Variants in USP25 observed in about 807,000 individuals in gnomAD.
USP25 encodes the protein ubiquitin carboxyl-terminal hydrolase 25.
In USP25, 85 loss-of-function variants were observed where a neutral mutation model predicts 158.5. That is an observed-to-expected ratio of 0.54 (90% confidence interval 0.45 to 0.64). USP25 has a LOEUF of 0.64. Ranked by LOEUF, USP25 falls within the 30% of genes least tolerant of loss-of-function variation. The pLI, the probability that USP25 is intolerant of heterozygous loss-of-function variation, is 0.00. For synonymous variants in USP25, 464 were observed against 460.4 expected (o/e 1.01, Z -0.10); for missense variants, 1,242 against 1,327.3 (o/e 0.94, Z 1.00).
chr21:15,781,712 G>C (rs1020370507), intron 4 of USP25, among the ~76,000 whole-genome samples: 1 of 152,200 alleles, frequency 6.6e-6, no homozygotes, highest in Middle Eastern at 3.4e-3. Flanking sequence ...AAGCCAGGGG[G>C]TTCCTCTTCT....
At chr21:15,859,235 C>G (rs983069578) in intron 20 of USP25, among the ~76,000 whole-genome samples, 7 of 150,872 alleles carry the variant, frequency 4.6e-5, no homozygotes, top group Non-Finnish European at 8.9e-5. Context: ...CTCTGTCGCC[C>G]AGGCTGGAGT....
At chr21:15,738,315 A>T (rs897885339) in intron 1 of USP25, among the ~76,000 whole-genome samples, 2 of 152,216 alleles carry the variant, frequency 1.3e-5, no homozygotes, top group African/African-American at 4.8e-5. Flanking sequence ...TAGAATGATC[A>T]TACCAAGCTC....
At chr21:15,851,186 AG>A (rs1291250743) in intron 20 of USP25, among the ~76,000 whole-genome samples, 3 of 150,142 alleles carry the variant, frequency 2.0e-5, no homozygotes, top group Non-Finnish European at 4.5e-5. Context: ...TATGATTTAC[AG>A]TGCCATTGTC....
chr21:15,768,562 G>GT (rs1240438646), intron 3 of USP25, among the ~76,000 whole-genome samples: 8 of 152,128 alleles, frequency 5.3e-5, no homozygotes, highest in Non-Finnish European at 8.8e-5. Context: ...GGAAGATGTG[G>GT]TAAAACATGA....
chr21:15,749,019 T>G (rs1383892592), intron 1 of USP25, among the ~76,000 whole-genome samples: 1 of 152,208 alleles, frequency 6.6e-6, no homozygotes, highest in Non-Finnish European at 1.5e-5. Flanking sequence ...TGTGTTTTTT[T>G]TTTTAATTTT....
At chr21:15,801,518 G>C (rs923654596) in intron 6 of USP25, among the ~76,000 whole-genome samples, 1 of 151,512 alleles carries the variant, frequency 6.6e-6, no homozygotes, top group African/African-American at 2.4e-5. Context: ...ATTTAGTATA[G>C]TGACAGCAGT....
chr21:15,777,869 C>T, intron 3 of USP25, 35 bp from the exon 4 acceptor site: 1 of 1,551,998 alleles, frequency 6.4e-7, no homozygotes, highest in Non-Finnish European at 8.7e-7. Context: ...TTTTGTTTTA[C>T]TTTTAATTTT....
rs1160590825 is a variant in USP25 at position 15,843,266 on chromosome 21, C to G, written c.2337+726C>G. On this transcript the variant is annotated intron_variant, in intron 18 of 25. Transcript: ENST00000400183. This position sits in a 1 kb window ranked among gnomAD's most constrained non-coding sequence, Gnocchi z 4.0. ...TTTATCTTTTATTAGTGAGCATAAG[C>G]AGCTCTAATGCAGATTTTGTGGTAG... Among the ~76,000 whole-genome samples, 2 of 152,152 alleles carry G rather than the reference C, an allele frequency of 1.3e-5. No homozygotes were observed. Among genetic ancestry groups the G allele is most frequent in the Non-Finnish European group, 2.9e-5 (2 of 68,016 alleles).
At chr21:15,746,555 C>G (rs532558811) in intron 1 of USP25, among the ~76,000 whole-genome samples, 2 of 151,948 alleles carry the variant, frequency 1.3e-5, no homozygotes, top group Non-Finnish European at 2.9e-5. Flanking sequence ...CCACCACACC[C>G]GGCTAATTTT....
chr21:15,858,007 T>G (rs183200224), intron 20 of USP25, among the ~76,000 whole-genome samples: 19 of 152,176 alleles, frequency 1.2e-4, no homozygotes, highest in African/African-American at 4.1e-4. Context: ...AAATCCCTAC[T>G]TATAAGTAGC....
At chr21:15,848,820 A>G (rs1601118910) in intron 19 of USP25, among the ~76,000 whole-genome samples, 1 of 152,156 alleles carries the variant, frequency 6.6e-6, no homozygotes, top group East Asian at 1.9e-4. Context: ...ATATATTGCA[A>G]TTCTCAGTAT....
chr21:15,821,361 G>A (rs2037226398), intron 10 of USP25, among the ~76,000 whole-genome samples: 1 of 151,862 alleles, frequency 6.6e-6, no homozygotes, highest in Admixed American at 6.6e-5. Context: ...GCAGTAACTC[G>A]AAAAAGAACT....
chr21:15,796,467 G>A (rs566576040), intron 5 of USP25, among the ~76,000 whole-genome samples: 2 of 151,456 alleles, frequency 1.3e-5, no homozygotes, highest in South Asian at 4.1e-4. Flanking sequence ...GATGGATTTT[G>A]TCCTTTAGGC....
At position 15,776,892 on chromosome 21, in the gene USP25, C is replaced by A. The variant is rs1442990028; in HGVS notation, c.269-1012C>A. 3.3e-5 allele frequency among the ~76,000 whole-genome samples: 5 copies of A among 151,928 alleles called. 1 individual carries two copies. The highest frequency in any genetic ancestry group is 1.2e-4 in the African/African-American group (5 of 41,360). ...TAACTAAAATGAAGGCAAAACGTGT[C>A]CAAAATACAAATAAGCATAATCCCA... On this transcript the variant is annotated intron_variant, in intron 3 of 25. Coordinates refer to ENST00000400183, the MANE Select transcript of USP25 (RefSeq NM_001283041.3).
intron 4 of USP25, among the ~76,000 whole-genome samples, chr21:15,778,370 C>CTAA (rs2034777439): frequency 6.6e-6 from 1 of 151,932 alleles, no homozygotes; most frequent in Middle Eastern, 3.2e-3. Flanking sequence ...CTGTAAAGGG[C>CTAA]TAATAGTAAA....
chr21:15,818,698 G>T lies in USP25; in HGVS notation c.932G>T (p.Gly311Val). The T allele has an allele frequency of 6.2e-7, 1 of 1,603,012 alleles. No homozygotes were observed. The highest frequency in any genetic ancestry group is 8.5e-7 in the Non-Finnish European group (1 of 1,174,184). Reference protein sequence around the residue: ...GRFLAVGVLEGKKFENTEMFG... With the variant: ...GRFLAVGVLEVKKFENTEMFG... ...TTATTAATTTTCTCCCTTCTTATAG[G>T]TAAAAAATTTGAAAACACTGAAATG... Residue 311 changes from glycine (G) to valine (V), a missense_variant and splice_region_variant, in exon 10 of 26, where the codon GGT becomes GTT. Around this residue, in one of 3 missense-constraint regions of USP25, gnomAD observed 627 missense variants for 701.4 expected, o/e 0.89. Transcript: ENST00000400183.
rs140709668 is a variant in USP25, at chr21:15,849,815, G to T, written c.2490G>T (p.Ala830=). The change falls in exon 20 of 26, where the codon GCG becomes GCT. Residue 830 remains alanine, a synonymous_variant. Transcript: ENST00000400183. The part of the protein sequence containing the change: ...MTPNMQGIIM[A]IGKSRSVYDR... ...CGAACATGCAAGGTATTATCATGGC[G>T]ATAGGTAAATCCAGGAGTGTATATG... 9.7e-6 allele frequency: 15 copies of T among 1,544,806 alleles called. No homozygotes were observed. In the South Asian group the frequency reaches 1.8e-4, roughly 19 times the overall value.
chr21:15,844,777 CTTTTAT>C (rs1380519918), intron 18 of USP25, among the ~76,000 whole-genome samples: 1 of 152,044 alleles, frequency 6.6e-6, no homozygotes, highest in Non-Finnish European at 1.5e-5. Flanking sequence ...ATTTATTTCA[CTTTTAT>C]TTTAATATGT....
In USP25 at chr21:15,826,514, C is replaced by T; in HGVS notation, c.1466+149C>T. The T allele has an allele frequency of 1.1e-6, 1 of 870,054 alleles. No individual in the cohort carries two copies. The highest frequency in any genetic ancestry group is 2.1e-5 in the South Asian group (1 of 48,746). 53.9% of individuals were successfully genotyped at this position (870,054 alleles called of 1,614,324 possible). A position where few individuals can be genotyped will look rare whatever the true frequency, so the allele number is the denominator to read the frequency against. ...TAGATTCACTTAGAAGACTGTATGT[C>T]CTCTGGGAGTTTTTTTATTATTTCA... On this transcript the variant is annotated intron_variant, in intron 13 of 25. Coordinates refer to ENST00000400183, the MANE Select transcript of USP25 (RefSeq NM_001283041.3). This position sits in a 1 kb window ranked among gnomAD's most constrained non-coding sequence, Gnocchi z 4.8.
Sources: gnomAD v4.1 joint callset for allele counts (sites outside exome capture counted in the v4.1 genomes callset) on GRCh38, gnomAD v4.1.1 for gene constraint, gnomAD v4.1.1 regional missense constraint, Gnocchi (gnomAD v3.1) non-coding constraint, MANE v1.5 for transcripts, NCBI Gene and HGNC (gene_info 2026-07-23, HGNC 2026-07-21) for gene names.